The following ERC1 variants were observed in gnomAD, a reference collection of about 807,000 sequenced individuals.
The protein encoded by ERC1 is ELKS/RAB6-interacting/CAST family member 1, also known as RAB6 interacting protein 2.
ERC1 carries 56 observed loss-of-function variants against 132.0 expected under a neutral mutation model. The observed-to-expected ratio is 0.42, with a 90% CI of 0.34 to 0.53. The LOEUF (loss-of-function observed/expected upper bound fraction) is 0.53. Among genes scored for constraint, ERC1 ranks in the 20% least tolerant of loss-of-function variants. The probability of loss-of-function intolerance (pLI) is 0.03; values close to 1 mark genes in which losing one functional copy is unlikely to be tolerated. For synonymous variants in ERC1, 478 were observed against 476.1 expected, an observed-to-expected ratio of 1.00 and a Z score of -0.05; for missense variants, 1,202 against 1,349.9, an observed-to-expected ratio of 0.89 and a Z score of 1.72.
At chr12:990,120 C>G (rs976118287), upstream of ERC1, 4 of 152,010 alleles carry the variant, frequency 2.6e-5, no homozygotes, top group Non-Finnish European at 5.9e-5. Flanking sequence ...GGCTGAGGAG[C>G]GACTGCAATT....
intron 16 of ERC1, among the ~76,000 whole-genome samples, chr12:1,383,311 G>T (rs1292030334): frequency 5.9e-5 from 9 of 151,886 alleles, no homozygotes; most frequent in Non-Finnish European, 1.3e-4. Flanking sequence ...CTTGGTCTGA[G>T]GATCTCATTA....
At chr12:1,176,817 G>C (rs1275188887) in intron 8 of ERC1, among the ~76,000 whole-genome samples, 1 of 152,122 alleles carries the variant, frequency 6.6e-6, no homozygotes, top group Non-Finnish European at 1.5e-5. Context: ...GGCATCTTTT[G>C]CCAATAAAAG....
At chr12:1,012,003 C>T (rs1261485666) in intron 1 of ERC1, among the ~76,000 whole-genome samples, 1 of 151,650 alleles carries the variant, frequency 6.6e-6, no homozygotes, top group African/African-American at 2.4e-5. Context: ...AAATGGCAGA[C>T]ATTGGTTTGT....
chr12:1,027,656 G>T (rs1967125260), intron 1 of ERC1, 92 bp from the exon 2 acceptor site: 1 of 507,730 alleles, frequency 2.0e-6, no homozygotes, highest in Non-Finnish European at 3.5e-6. Flanking sequence ...TGGTAGAAGG[G>T]CTAGATCTTC....
At chr12:1,019,927 A>AT (rs1359325707) in intron 1 of ERC1, among the ~76,000 whole-genome samples, 2 of 150,794 alleles carry the variant, frequency 1.3e-5, no homozygotes, top group East Asian at 2.0e-4. Context: ...TTATTTTTAA[A>AT]TTTTTTTTGC....
intron 13 of ERC1, chr12:1,244,587 T>G (rs2076045232): frequency 2.2e-6 from 1 of 450,800 alleles, no homozygotes; most frequent in Admixed American, 2.4e-5. Context: ...AGTGGTGTGA[T>G]CTCAGCTCAC....
chr12:1,167,976 A>G (rs1952607610), intron 8 of ERC1, among the ~76,000 whole-genome samples: 1 of 152,082 alleles, frequency 6.6e-6, no homozygotes, highest in Non-Finnish European at 1.5e-5. Flanking sequence ...GGCCTCCCCA[A>G]GTGCTGGGAT....
At chr12:1,166,825 G>A (rs923879926) in intron 8 of ERC1, among the ~76,000 whole-genome samples, 9 of 152,140 alleles carry the variant, frequency 5.9e-5, no homozygotes, top group African/African-American at 2.2e-4. Context: ...CAATAGAAGT[G>A]GACCTGAGAG....
At chr12:1,473,401 G>A (rs552524074) in intron 18 of ERC1, among the ~76,000 whole-genome samples, 1 of 152,158 alleles carries the variant, frequency 6.6e-6, no homozygotes, top group Admixed American at 6.5e-5. Flanking sequence ...TTTACTTTTG[G>A]TCTAAGCAAC....
chr12:1,203,454 TA>T, intron 12 of ERC1, among the ~76,000 whole-genome samples: 1 of 152,266 alleles, frequency 6.6e-6, no homozygotes, highest in African/African-American at 2.4e-5. Context: ...TGTTACAAGG[TA>T]ACAAATCTTG....
rs139851657 is a variant in ERC1 at position 1,156,463 on chromosome 12, T to G, written c.1737+14676T>G. On this transcript the variant is annotated intron_variant, in intron 8 of 18. Transcript: ENST00000360905. ...CATGTTGGCCAGCCTGGTCTCGAACTCCTGACCTCATGATCTGTTCACCTC... is the reference window on the plus strand; with the variant it reads ...CATGTTGGCCAGCCTGGTCTCGAACGCCTGACCTCATGATCTGTTCACCTC... 2.4e-3 allele frequency among the ~76,000 whole-genome samples: 362 copies of G among 152,188 alleles called. 1 individual carries two copies. Among genetic ancestry groups the G allele is most frequent in the African/African-American group, 7.6e-3 (316 of 41,520 alleles).
At chr12:1,406,039 GATA>G (rs781283844) in intron 16 of ERC1, among the ~76,000 whole-genome samples, 32 of 152,192 alleles carry the variant, frequency 2.1e-4, no homozygotes, top group Non-Finnish European at 4.3e-4. Context: ...AAATGGTCAT[GATA>G]ATGATGATAG....
intron 3 of ERC1, among the ~76,000 whole-genome samples, chr12:1,101,299 A>G (rs572438355): frequency 6.6e-6 from 1 of 152,304 alleles, no homozygotes; most frequent in South Asian, 2.1e-4. Context: ...CCGAAGTTAT[A>G]TAGACAAGAA....
intron 12 of ERC1, among the ~76,000 whole-genome samples, chr12:1,208,107 T>G (rs1467925088): frequency 1.3e-5 from 2 of 152,184 alleles, no homozygotes; most frequent in African/African-American, 4.8e-5. Context: ...TTTTCCCGTT[T>G]CACAGATCAG....
At chr12:1,110,426 A>G (rs1945728013) in intron 5 of ERC1, 79 bp downstream of exon 5, 5 of 1,204,484 alleles carry the variant, frequency 4.2e-6, no homozygotes, top group Non-Finnish European at 5.8e-6. Context: ...TAGTGATGAT[A>G]AAGCCGTATT....
rs770625355 is a variant in ERC1, at chr12:1,408,230, A to G, written c.3007A>G (p.Lys1003Glu). ...KSSHSNQTNH[K>E]PSPDQIIQPL... ...CTCCCATTCCAATCAAACAAATCAC[A>G]AGCCCTCCCCAGACCAGGTAAGATG... Residue 1003 changes from lysine to glutamate, a missense_variant, in exon 17 of 19, where the codon AAG becomes GAG. Transcript: ENST00000360905. 33 of 1,613,440 alleles carry G rather than the reference A, an allele frequency of 2.0e-5. No individual in the cohort carries two copies. Among genetic ancestry groups the G allele is most frequent in the Non-Finnish European group, 2.8e-5 (33 of 1,179,600 alleles).
At chr12:1,275,115 A>G (rs1405655571) in intron 14 of ERC1, among the ~76,000 whole-genome samples, 1 of 152,206 alleles carries the variant, frequency 6.6e-6, no homozygotes, top group Non-Finnish European at 1.5e-5. Context: ...TAATGATTTT[A>G]GGTTTTATCT....
chr12:1,129,953 A>G (rs888716144), intron 7 of ERC1, among the ~76,000 whole-genome samples: 1 of 152,162 alleles, frequency 6.6e-6, no homozygotes, highest in Admixed American at 6.5e-5. Context: ...AAACTCGCAA[A>G]TCAATTGAGG....
chr12:1,286,326 A>G (rs2079044134), intron 14 of ERC1, among the ~76,000 whole-genome samples: 1 of 151,688 alleles, frequency 6.6e-6, no homozygotes, highest in Admixed American at 6.6e-5. Flanking sequence ...ACTAATTACT[A>G]TAATCCATCA....
Sources: allele counts gnomAD v4.1 joint callset (sites outside exome capture counted in the v4.1 genomes callset), GRCh38; gene constraint gnomAD v4.1.1; transcripts MANE v1.5; gene names NCBI Gene and HGNC (gene_info 2026-07-23, HGNC 2026-07-21).